GPC6: variants seen among roughly 807,000 people sequenced by gnomAD.
GPC6 encodes the protein glypican-6.
Under a neutral mutation model 55.2 loss-of-function variants are expected in GPC6, and 14 were observed. The observed-to-expected ratio is 0.25, with a 90% confidence interval of 0.17 to 0.40. The LOEUF (loss-of-function observed/expected upper bound fraction) is 0.40, where lower values mean the gene tolerates loss of function less well. Among genes scored for constraint, GPC6 ranks in the 10% least tolerant of loss-of-function variants. The pLI is 1.00. For synonymous variants in GPC6, 278 were observed against 259.6 expected (o/e 1.07, Z -0.68); for missense variants, 641 against 708.5 (o/e 0.90, Z 1.08).
intron 6 of GPC6, among the ~76,000 whole-genome samples, chr13:94,373,806 G>A (rs1431271101): frequency 6.6e-6 from 1 of 152,158 alleles, no homozygotes; most frequent in South Asian, 2.1e-4. Flanking sequence ...GTTAAGGGCA[G>A]CCAGAGAGAA....
chr13:93,513,579 A>C (rs1467950548), intron 1 of GPC6, among the ~76,000 whole-genome samples: 1 of 152,184 alleles, frequency 6.6e-6, no homozygotes, highest in Non-Finnish European at 1.5e-5. Context: ...ATTATAATGC[A>C]CCAGAGATAT....
chr13:94,247,375 T>C (rs1891226694), intron 4 of GPC6, among the ~76,000 whole-genome samples: 1 of 152,102 alleles, frequency 6.6e-6, no homozygotes, highest in Non-Finnish European at 1.5e-5. Context: ...ATAGTACTTC[T>C]GGGACTATGT....
At chr13:93,887,514 G>T (rs963501007) in intron 3 of GPC6, among the ~76,000 whole-genome samples, 9 of 152,038 alleles carry the variant, frequency 5.9e-5, no homozygotes, top group African/African-American at 2.2e-4. Context: ...GTGTTATATG[G>T]TATTTGCATT....
At chr13:93,627,619 C>T (rs1248850794) in intron 2 of GPC6, among the ~76,000 whole-genome samples, 1 of 152,124 alleles carries the variant, frequency 6.6e-6, no homozygotes, top group Non-Finnish European at 1.5e-5. Flanking sequence ...TCAGAAGTGC[C>T]ACATTTATTG....
At chr13:93,487,942 T>C (rs1261049291) in intron 1 of GPC6, among the ~76,000 whole-genome samples, 1 of 152,192 alleles carries the variant, frequency 6.6e-6, no homozygotes, top group Non-Finnish European at 1.5e-5. Flanking sequence ...AAACAAAATC[T>C]ATAACATATA....
intron 4 of GPC6, among the ~76,000 whole-genome samples, chr13:94,213,520 G>A (rs1890143473): frequency 6.6e-6 from 1 of 152,156 alleles, no homozygotes; most frequent in Non-Finnish European, 1.5e-5. Context: ...CAGCTGGGTG[G>A]TTCTTCTAGT....
chr13:93,322,659 C>T (rs915835883), intron 1 of GPC6, among the ~76,000 whole-genome samples: 7 of 151,772 alleles, frequency 4.6e-5, no homozygotes, highest in Non-Finnish European at 1.0e-4. Flanking sequence ...AGGCTGGTGT[C>T]GAACTCCTGA....
chr13:94,248,021 T>G (rs559792923), intron 4 of GPC6, among the ~76,000 whole-genome samples: 1 of 152,040 alleles, frequency 6.6e-6, no homozygotes. Context: ...TCTTTTCTTA[T>G]GGTGTCTTTG....
chr13:93,649,158 T>G (rs987149647), intron 2 of GPC6, among the ~76,000 whole-genome samples: 1 of 152,144 alleles, frequency 6.6e-6, no homozygotes, highest in African/African-American at 2.4e-5. Flanking sequence ...ATAAGATATA[T>G]TTTAAAAATT....
intron 2 of GPC6, among the ~76,000 whole-genome samples, chr13:93,711,369 A>G (rs184516777): frequency 2.6e-5 from 4 of 151,838 alleles, no homozygotes; most frequent in Middle Eastern, 3.4e-3. Flanking sequence ...CCTATTCACT[A>G]TCATGAGAAC....
At chr13:93,364,729 G>A (rs1881179648) in intron 1 of GPC6, among the ~76,000 whole-genome samples, 1 of 150,086 alleles carries the variant, frequency 6.7e-6, no homozygotes, top group South Asian at 2.1e-4. Flanking sequence ...ACACATATAT[G>A]TATATATATA....
intron 4 of GPC6, among the ~76,000 whole-genome samples, chr13:94,161,065 G>A (rs529646215): frequency 5.3e-5 from 8 of 152,284 alleles, no homozygotes; most frequent in African/African-American, 1.9e-4. Flanking sequence ...TATAATAGCA[G>A]CAGATGATGA....
intron 1 of GPC6, among the ~76,000 whole-genome samples, chr13:93,531,992 A>G (rs1881886312): frequency 6.6e-6 from 1 of 152,174 alleles, no homozygotes; most frequent in African/African-American, 2.4e-5. Context: ...TTTAATGTTG[A>G]AACTGTGAAC....
intron 2 of GPC6, among the ~76,000 whole-genome samples, chr13:93,649,249 G>A (rs1880304081): frequency 1.3e-5 from 2 of 152,074 alleles, no homozygotes; most frequent in African/African-American, 4.8e-5. Flanking sequence ...TCACGAGTTC[G>A]AGACAAGCCT....
At chr13:93,740,679 G>T (rs1052008377) in intron 2 of GPC6, among the ~76,000 whole-genome samples, 9 of 152,130 alleles carry the variant, frequency 5.9e-5, no homozygotes, top group Non-Finnish European at 1.0e-4. Context: ...GCAAGTGGCA[G>T]TTCAGCTTGT....
chr13:93,632,806 A>G (rs1188982854), intron 2 of GPC6, among the ~76,000 whole-genome samples: 1 of 152,032 alleles, frequency 6.6e-6, no homozygotes, highest in African/African-American at 2.4e-5. Context: ...ACGCATGTCA[A>G]ATTAGTCTTG....
At chr13:93,870,122 A>T (rs1889085140) in intron 3 of GPC6, among the ~76,000 whole-genome samples, 1 of 151,888 alleles carries the variant, frequency 6.6e-6, no homozygotes, top group Non-Finnish European at 1.5e-5. Flanking sequence ...GTTTTGGGAC[A>T]CCACTTTCTT....
intron 1 of GPC6, among the ~76,000 whole-genome samples, chr13:93,278,592 C>T (rs964879615): frequency 2.6e-4 from 39 of 152,160 alleles, no homozygotes; most frequent in African/African-American, 5.3e-4. Flanking sequence ...TGCTAAGTGA[C>T]GTTTTCATTC....
rs199765358 is a variant in GPC6 at position 93,272,486 on chromosome 13, C to CTG, written c.160+44876_160+44877dup. Among the ~76,000 whole-genome samples the CTG allele has an allele frequency of 1.3e-4, 12 of 93,692 alleles. No individual in the cohort carries two copies. In the South Asian group the frequency reaches 2.3e-3, roughly 18 times the overall value. The allele number at this position is 93,692 out of a possible 152,430, so 61.5% of individuals were successfully genotyped here. On this transcript the variant is annotated intron_variant, in intron 1 of 8. Coordinates refer to ENST00000377047, the MANE Select transcript of GPC6 (RefSeq NM_005708.5). ...ATTGAAGAATGAGGTGATTCATTGT[C>CTG]TGTGTGTATATATATATATATATAT...
Sources: gnomAD v4.1 joint callset for allele counts (sites outside exome capture counted in the v4.1 genomes callset) on GRCh38, gnomAD v4.1.1 for gene constraint, MANE v1.5 for transcripts, NCBI Gene and HGNC (gene_info 2026-07-23, HGNC 2026-07-21) for gene names.